Variants in ERC1 observed in about 807,000 individuals in gnomAD.
ERC1 encodes RAB6 interacting protein 2.
In ERC1, 56 loss-of-function variants were observed where a neutral mutation model predicts 132.0. That is an observed-to-expected ratio of 0.42 (90% CI 0.34 to 0.53). The LOEUF (loss-of-function observed/expected upper bound fraction) is 0.53, where lower values mean the gene tolerates loss of function less well. Ranked by LOEUF, ERC1 falls within the 20% of genes least tolerant of loss-of-function variation. ERC1 has a pLI of 0.03. For missense variants in ERC1, 1,202 were observed against 1,349.9 expected (o/e 0.89, Z 1.72); for synonymous variants, 478 against 476.1 (o/e 1.00, Z -0.05).
chr12:1,484,063 T>G (rs1339601037), intron 18 of ERC1, among the ~76,000 whole-genome samples: 1 of 130,444 alleles, frequency 7.7e-6, no homozygotes, highest in Non-Finnish European at 1.6e-5. Context: ...CCCAGCACTT[T>G]GGGAGGCTGA....
At position 1,341,069 on chromosome 12, in the gene ERC1, C is replaced by CTTTTTTTTTTTTTTTTT. The variant is rs35902573; in HGVS notation, c.2781-30738_2781-30722dup. Among the ~76,000 whole-genome samples, 144 of 63,122 alleles carry CTTTTTTTTTTTTTTTTT rather than the reference C, an allele frequency of 2.3e-3. 25 individuals carry two copies. Among genetic ancestry groups the CTTTTTTTTTTTTTTTTT allele is most frequent in the Admixed American group, 6.6e-3 (28 of 4,226 alleles). 41.4% of individuals were successfully genotyped at this position (63,122 alleles called of 152,430 possible). A position where few individuals can be genotyped will look rare whatever the true frequency, so the allele number is the denominator to read the frequency against. ...AATGTCCACTTATTCTTTTCTTTTT[C>CTTTTTTTTTTTTTTTTT]TTTTTTTTTTTTTTTTTTTTTTTTT... is the stretch of plus-strand genomic sequence containing the variant. On this transcript the variant is annotated intron_variant, in intron 15 of 18. Coordinates refer to ENST00000360905, the MANE Select transcript of ERC1 (RefSeq NM_178040.4).
chr12:1,035,262 C>G (rs1482001470), intron 2 of ERC1, among the ~76,000 whole-genome samples: 1 of 152,156 alleles, frequency 6.6e-6, no homozygotes, highest in Non-Finnish European at 1.5e-5. Context: ...ATGGTTTCCC[C>G]ATTTCAGTTT....
In ERC1 at chr12:1,440,636, G is replaced by T. The variant is rs1452450993; in HGVS notation, c.3025-3926G>T. The stretch of plus-strand genomic sequence containing the variant: ...TGTGTGTGTGTGTGTGTGTGTGTGT[G>T]TGTGTGTGTGTGTGTGTGTGTGTGT... On this transcript the variant is annotated intron_variant, in intron 17 of 18. Transcript: ENST00000360905. Among the ~76,000 whole-genome samples, 1,194 of 133,400 alleles carry T rather than the reference G, an allele frequency of 9.0e-3. 28 individuals are homozygous for T. The highest frequency in any genetic ancestry group is 0.012 in the African/African-American group (366 of 31,268). The allele number at this position is 133,400 out of a possible 152,430, so 87.5% of individuals were successfully genotyped here.
intron 12 of ERC1, among the ~76,000 whole-genome samples, chr12:1,231,491 A>G (rs2075035358): frequency 6.6e-6 from 1 of 152,122 alleles, no homozygotes; most frequent in East Asian, 1.9e-4. Context: ...ATTTGACTGT[A>G]TATTTATTTT....
chr12:1,023,759 T>G (rs1031385876), intron 1 of ERC1, among the ~76,000 whole-genome samples: 1 of 152,022 alleles, frequency 6.6e-6, no homozygotes, highest in Non-Finnish European at 1.5e-5. Flanking sequence ...AAAGAGCATA[T>G]GATATAAAGA....
At chr12:1,414,249 G>T (rs1261740052) in intron 17 of ERC1, among the ~76,000 whole-genome samples, 6 of 152,182 alleles carry the variant, frequency 3.9e-5, no homozygotes, top group African/African-American at 1.4e-4. Context: ...TGTTCTAGGG[G>T]CTGAAAGTCT....
At chr12:1,425,922 G>A (rs965722248) in intron 17 of ERC1, among the ~76,000 whole-genome samples, 6 of 152,114 alleles carry the variant, frequency 3.9e-5, no homozygotes, top group African/African-American at 1.4e-4. Flanking sequence ...CTCTGAAATG[G>A]AAGTGATGAT....
chr12:1,191,529 A>G (rs915413752), intron 12 of ERC1, among the ~76,000 whole-genome samples: 3 of 152,168 alleles, frequency 2.0e-5, no homozygotes, highest in African/African-American at 7.2e-5. Flanking sequence ...TACATTTGAA[A>G]TTATTGCTTG....
intron 6 of ERC1, among the ~76,000 whole-genome samples, chr12:1,113,354 G>C (rs2154208534): frequency 6.6e-6 from 1 of 152,286 alleles, no homozygotes; most frequent in East Asian, 1.9e-4. Flanking sequence ...TATAGACGAG[G>C]AAACTGAGGT....
chr12:1,400,953 T>G (rs78241356), intron 16 of ERC1, among the ~76,000 whole-genome samples: 9,338 of 89,630 alleles, frequency 0.1, 1,118 homozygotes, highest in Non-Finnish European at 0.15. Flanking sequence ...TTTTTTTTTT[T>G]GTGACGGAGT....
intron 8 of ERC1, among the ~76,000 whole-genome samples, chr12:1,155,120 C>G (rs1264798103): frequency 6.6e-6 from 1 of 152,090 alleles, no homozygotes; most frequent in East Asian, 1.9e-4. Context: ...GAGTTCAAGA[C>G]AAACCTGGCA....
chr12:1,242,879 A>T (rs935778606), intron 13 of ERC1, among the ~76,000 whole-genome samples: 14 of 152,256 alleles, frequency 9.2e-5, no homozygotes, highest in Non-Finnish European at 2.9e-5. Context: ...TAGTGTTTAC[A>T]TTGTATTGGG....
chr12:1,295,446 A>G (rs2079843072), intron 15 of ERC1, among the ~76,000 whole-genome samples: 1 of 152,294 alleles, frequency 6.6e-6, no homozygotes, highest in Non-Finnish European at 1.5e-5. Context: ...TGTTCACTGA[A>G]TGAGACTGCC....
At chr12:1,336,446 G>T (rs1186117567) in intron 15 of ERC1, among the ~76,000 whole-genome samples, 1 of 152,016 alleles carries the variant, frequency 6.6e-6, no homozygotes, top group Admixed American at 6.6e-5. Context: ...CTGGTATGTT[G>T]TATCTTTGTT....
chr12:1,034,853 T>A (rs1270114798), intron 2 of ERC1, among the ~76,000 whole-genome samples: 1 of 152,236 alleles, frequency 6.6e-6, no homozygotes, highest in Non-Finnish European at 1.5e-5. Flanking sequence ...TATTTGAATC[T>A]TCTGAATACT....
At chr12:1,302,293 C>G (rs1042741663) in intron 15 of ERC1, among the ~76,000 whole-genome samples, 2 of 152,060 alleles carry the variant, frequency 1.3e-5, no homozygotes, top group African/African-American at 4.8e-5. Context: ...TAATAAAAGG[C>G]AACACCCATT....
intron 17 of ERC1, among the ~76,000 whole-genome samples, chr12:1,415,889 A>G (rs1010029328): frequency 1.3e-5 from 2 of 152,228 alleles, no homozygotes; most frequent in Non-Finnish European, 2.9e-5. Context: ...GAGGGAGAAA[A>G]TGAACATTTA....
intron 7 of ERC1, among the ~76,000 whole-genome samples, chr12:1,137,087 C>CTTTT (rs1566056324): frequency 7.0e-6 from 1 of 143,004 alleles, no homozygotes; most frequent in African/African-American, 2.6e-5. Flanking sequence ...CTTTTTCTTT[C>CTTTT]TTTTTTTCTT....
In ERC1 at chr12:1,195,427, G is replaced by A. The variant is rs537197778; in HGVS notation, c.2351+5375G>A. Among the ~76,000 whole-genome samples the A allele has an allele frequency of 3.9e-5, 6 of 152,218 alleles. No individual in the cohort carries two copies. In the East Asian group the frequency reaches 1.2e-3, roughly 29 times the overall value. ...GTATGTGTAATTCCCTATTTCCTCAGCTCCAGAAGTAGATTCAGATTTTTT... is the reference window on the plus strand; with the variant it reads ...GTATGTGTAATTCCCTATTTCCTCAACTCCAGAAGTAGATTCAGATTTTTT... On this transcript the variant is annotated intron_variant, in intron 12 of 18. Coordinates refer to ENST00000360905, the MANE Select transcript of ERC1 (RefSeq NM_178040.4).
Sources: gnomAD v4.1 joint callset for allele counts (sites outside exome capture counted in the v4.1 genomes callset) on GRCh38, gnomAD v4.1.1 for gene constraint, MANE v1.5 for transcripts, NCBI Gene and HGNC (gene_info 2026-07-23, HGNC 2026-07-21) for gene names.